Variants in KLC2 observed in about 807,000 individuals in gnomAD.
The protein encoded by KLC2 is KLC 2.
A neutral mutation model predicts 75.1 loss-of-function variants in KLC2; 35 were observed. That is an observed-to-expected ratio of 0.47 (90% CI 0.36 to 0.62). KLC2 has a LOEUF of 0.62. KLC2 is among the 20% of genes least tolerant of loss of function. The pLI is 0.00. For missense variants in KLC2, 611 were observed against 833.2 expected, an observed-to-expected ratio of 0.73 and a Z score of 3.28; for synonymous variants, 314 against 336.7, an observed-to-expected ratio of 0.93 and a Z score of 0.74.
chr11:66,261,634 G>T, intron 2 of KLC2, 108 bp from the exon 3 acceptor site: 1 of 661,894 alleles, frequency 1.5e-6, no homozygotes, highest in Non-Finnish European at 2.6e-6. Context: ...CTCACTGTAG[G>T]GCCAGGCCTG....
Position 66,265,910 on chromosome 11 carries a change from C to T in KLC2, c.1500C>T (p.Gly500=), listed in dbSNP as rs1314441845. Reference sequence around the variant, plus strand: ...TAGAACTGCTGAAAGATGGCAGTGGCAGGCGGGGAGACCGCCGCAGCAGCC... The same window carrying T: ...TAGAACTGCTGAAAGATGGCAGTGGTAGGCGGGGAGACCGCCGCAGCAGCC... ...KVVELLKDGS[G]RRGDRRSSRD... is the part of the protein sequence containing the mutation. The change falls in exon 13 of 16, where the codon GGC becomes GGT. Residue 500 remains glycine (G), a synonymous_variant. Transcript: ENST00000394067. 6.3e-7 allele frequency: 1 copy of T among 1,580,794 alleles called. No homozygotes were observed. The highest frequency in any genetic ancestry group is 8.6e-7 in the Non-Finnish European group (1 of 1,160,810).
chr11:66,259,006 A>C (rs1449940694), intron 2 of KLC2, among the ~76,000 whole-genome samples, 184 bp downstream of exon 2: 2 of 152,186 alleles, frequency 1.3e-5, no homozygotes, highest in East Asian at 3.9e-4. Flanking sequence ...CCCTGCCCTA[A>C]GAGACCATGA....
chr11:66,266,579 C>G, intron 15 of KLC2, 89 bp downstream of exon 15: 1 of 1,321,492 alleles, frequency 7.6e-7, no homozygotes, highest in Non-Finnish European at 1.1e-6. Context: ...GCCTCTTCAT[C>G]CAGCAACAGT....
chr11:66,257,587 T>G (rs559735951), upstream of KLC2: 2 of 152,218 alleles, frequency 1.3e-5, no homozygotes, highest in Admixed American at 1.3e-4. Flanking sequence ...CCCTGGGAAC[T>G]GCGCCCCGGG....
the KLC2 span, among the ~76,000 whole-genome samples, chr11:66,247,921 T>C: frequency 5.4e-4 from 82 of 152,250 alleles, 1 homozygote; most frequent in East Asian, 0.014. Context: ...AGTAAGAAGA[T>C]AGACTCCTAC....
At chr11:66,255,382 T>C (rs950900644), upstream of KLC2, among the ~76,000 whole-genome samples, 1 of 152,124 alleles carries the variant, frequency 6.6e-6, no homozygotes, top group African/African-American at 2.4e-5. Context: ...AGAGATGGGG[T>C]TTCACCATGT....
upstream of KLC2, among the ~76,000 whole-genome samples, chr11:66,254,221 CAAAA>C (rs1855985365): frequency 2.0e-5 from 3 of 152,112 alleles, no homozygotes; most frequent in Admixed American, 1.3e-4. Flanking sequence ...GGCTCTGTCT[CAAAA>C]CAAACAAACA....
At position 66,263,834 on chromosome 11, in the gene KLC2, C is replaced by T. The variant is rs773560962; in HGVS notation, c.841-17C>T. ...TGCAGGGCCTGAGTCAAGAAGCTTC[C>T]GTTCTCCCACCTCCAGGTGGCTGCG... On this transcript the variant is annotated splice_polypyrimidine_tract_variant and intron_variant, in intron 6 of 15. Coordinates refer to ENST00000394067, the MANE Select transcript of KLC2 (RefSeq NM_001318734.2). 9.9e-6 allele frequency: 16 copies of T among 1,611,558 alleles called. No individual in the cohort carries two copies. Among genetic ancestry groups the T allele is most frequent in the South Asian group, 6.6e-5 (6 of 91,036 alleles).
In KLC2 at chr11:66,266,802, A is replaced by G. The variant is rs925930801; in HGVS notation, c.1786-71A>G. On this transcript the variant is annotated intron_variant, in intron 15 of 15. Transcript: ENST00000394067. Reference sequence around the variant, plus strand: ...ATTCCGGCTGCCTCTGCCAGGTCAGACCCCTTCAGGCCAGGGAGGCACAGA... The same window carrying G: ...ATTCCGGCTGCCTCTGCCAGGTCAGGCCCCTTCAGGCCAGGGAGGCACAGA... 11 of 1,509,722 alleles carry G rather than the reference A, an allele frequency of 7.3e-6. No homozygotes were observed. In the African/African-American group the frequency reaches 1.5e-4, roughly 21 times the overall value. 93.5% of individuals were successfully genotyped at this position (1,509,722 alleles called of 1,614,324 possible).
chr11:66,251,845 AT>A, the KLC2 span, among the ~76,000 whole-genome samples: 2 of 152,144 alleles, frequency 1.3e-5, no homozygotes, highest in South Asian at 2.1e-4. Context: ...CCTGCAGGAG[AT>A]TTGGACAGGA....
chr11:66,251,961 A>G, the KLC2 span, among the ~76,000 whole-genome samples: 49 of 152,064 alleles, frequency 3.2e-4, no homozygotes, highest in African/African-American at 1.1e-3. Flanking sequence ...CGTGTGGGAG[A>G]GCTGACGCTG....
At chr11:66,258,120 G>C (rs1351622115) in intron 1 of KLC2, 1 of 159,542 alleles carries the variant, frequency 6.3e-6, no homozygotes, top group Non-Finnish European at 1.4e-5. Context: ...TGGGGGCCGC[G>C]TACTCAGCCC....
intron 15 of KLC2, 36 bp downstream of exon 15, chr11:66,266,526 G>A: frequency 1.3e-6 from 2 of 1,593,054 alleles, no homozygotes; most frequent in Non-Finnish European, 1.7e-6. Context: ...CTGGGCAGCT[G>A]CGGCCGGGGC....
At chr11:66,251,479 G>C in the KLC2 span, among the ~76,000 whole-genome samples, 2 of 132,536 alleles carry the variant, frequency 1.5e-5, no homozygotes, top group African/African-American at 5.2e-5. Context: ...GCAGGCGACA[G>C]AGTGAGACTC....
At chr11:66,256,612 G>T (rs1189376769), upstream of KLC2, among the ~76,000 whole-genome samples, 2 of 152,152 alleles carry the variant, frequency 1.3e-5, no homozygotes, top group Non-Finnish European at 2.9e-5. Context: ...TAAGGTCACA[G>T]TGAGCTATGA....
chr11:66,265,101 G>A (rs200447435), intron 10 of KLC2, 29 bp downstream of exon 10: 276 of 1,609,528 alleles, frequency 1.7e-4, no homozygotes, highest in Admixed American at 4.0e-4. Context: ...CTGGGCGGTT[G>A]TCAGGGGAGG....
At chr11:66,264,513 A>G (rs1035096759) in intron 9 of KLC2, 69 bp downstream of exon 9, 2 of 1,162,034 alleles carry the variant, frequency 1.7e-6, no homozygotes, top group Admixed American at 1.9e-5. Context: ...AGCACCCAGG[A>G]CAAATCCCTC....
chr11:66,265,130 G>T (rs1345471696), intron 10 of KLC2, 38 bp from the exon 11 acceptor site: 2 of 1,610,924 alleles, frequency 1.2e-6, no homozygotes, highest in Admixed American at 3.3e-5. Context: ...TGCAGAGGGG[G>T]GCCTGCTCTC....
chr11:66,255,320 G>C (rs1345114814), upstream of KLC2, among the ~76,000 whole-genome samples: 2 of 152,206 alleles, frequency 1.3e-5, no homozygotes, highest in Non-Finnish European at 2.9e-5. Flanking sequence ...CTCCTGAGTT[G>C]CTAGGACTAC....
Sources: gnomAD v4.1 joint callset for allele counts (sites outside exome capture counted in the v4.1 genomes callset) on GRCh38, gnomAD v4.1.1 for gene constraint, MANE v1.5 for transcripts, NCBI Gene and HGNC (gene_info 2026-07-23, HGNC 2026-07-21) for gene names.